FTO: variants seen among roughly 807,000 people sequenced by gnomAD.
FTO encodes the protein FTO alpha-ketoglutarate dependent dioxygenase, also known as alpha-ketoglutarate-dependent dioxygenase FTO.
A neutral mutation model predicts 63.9 loss-of-function variants in FTO; 47 were observed. That is an observed-to-expected ratio of 0.74 (90% CI 0.58 to 0.94). The LOEUF is 0.94. Among genes scored for constraint, FTO ranks in the 40% least tolerant of loss-of-function variants. The pLI is 0.00. For synonymous variants in FTO, 207 were observed against 224.4 expected (o/e 0.92, Z 0.69); for missense variants, 562 against 618.1 (o/e 0.91, Z 0.96).
chr16:54,053,560 G>T (rs2085360490), intron 8 of FTO, among the ~76,000 whole-genome samples: 1 of 152,184 alleles, frequency 6.6e-6, no homozygotes, highest in African/African-American at 2.4e-5. Flanking sequence ...TCACTCTGGG[G>T]CTTCTCACAT....
chr16:53,902,102 T>C (rs562906958), intron 7 of FTO, among the ~76,000 whole-genome samples: 54 of 152,314 alleles, frequency 3.5e-4, no homozygotes, highest in African/African-American at 1.2e-3. Flanking sequence ...TCATTATTGC[T>C]CATAATGCCA....
intron 7 of FTO, among the ~76,000 whole-genome samples, chr16:53,928,258 A>G (rs2082196291): frequency 6.6e-6 from 1 of 152,190 alleles, no homozygotes; most frequent in South Asian, 2.1e-4. Flanking sequence ...TTCCTAATGA[A>G]ATGAAATTTA....
At chr16:53,704,080 A>C (rs1016330438), upstream of FTO, 13 of 1,181,754 alleles carry the variant, frequency 1.1e-5, no homozygotes, top group African/African-American at 1.8e-4. Context: ...GAGGGAGAAT[A>C]GCTCCAGACG....
chr16:53,924,777 C>T (rs962212663), intron 7 of FTO, among the ~76,000 whole-genome samples: 3 of 152,132 alleles, frequency 2.0e-5, no homozygotes, highest in African/African-American at 7.2e-5. Flanking sequence ...ATTGGCACCC[C>T]CAAAACCTCC....
chr16:53,909,914 G>A (rs2081644774), intron 7 of FTO, among the ~76,000 whole-genome samples: 1 of 151,940 alleles, frequency 6.6e-6, no homozygotes. Flanking sequence ...ATCTTGCTCT[G>A]TCATTTAGAC....
chr16:54,056,817 T>G (rs1189655241), intron 8 of FTO, among the ~76,000 whole-genome samples: 2 of 152,336 alleles, frequency 1.3e-5, no homozygotes, highest in East Asian at 3.9e-4. Context: ...ACAGAAACTG[T>G]GAAATAATAA....
intron 1 of FTO, among the ~76,000 whole-genome samples, chr16:53,773,390 C>G (rs937900496): frequency 6.6e-6 from 1 of 152,072 alleles, no homozygotes; most frequent in African/African-American, 2.4e-5. Flanking sequence ...TGTTATCTTG[C>G]TCCAGCTGAC....
chr16:53,826,584 T>A, intron 3 of FTO, 93 bp downstream of exon 3: 3 of 1,198,906 alleles, frequency 2.5e-6, no homozygotes, highest in Non-Finnish European at 3.7e-6. Context: ...TACATGAACA[T>A]GTTTGCATGT....
In FTO at chr16:54,087,446, A is replaced by G. The variant is rs371543992; in HGVS notation, c.1365-24316A>G. Among the ~76,000 whole-genome samples the G allele has an allele frequency of 3.5e-4, 54 of 152,214 alleles. No individual in the cohort carries two copies. The South Asian group carries it at 0.011, about 30-fold the overall frequency. On this transcript the variant is annotated intron_variant, in intron 8 of 8. Coordinates refer to ENST00000471389, the MANE Select transcript of FTO (RefSeq NM_001080432.3). Reference sequence around the variant, plus strand: ...ACAATCAAAAGAACTCCCTTTTTCTACTCCAATCCTCAGACAGCCCTACCT... The same window carrying G: ...ACAATCAAAAGAACTCCCTTTTTCTGCTCCAATCCTCAGACAGCCCTACCT...
intron 8 of FTO, among the ~76,000 whole-genome samples, chr16:54,009,189 C>CT (rs1304639341): frequency 6.6e-6 from 1 of 151,994 alleles, no homozygotes; most frequent in Admixed American, 6.6e-5. Context: ...CAACAGACCC[C>CT]TTTTTCTGCT....
At chr16:53,732,502 G>T (rs1270628140) in intron 1 of FTO, among the ~76,000 whole-genome samples, 4 of 152,196 alleles carry the variant, frequency 2.6e-5, no homozygotes, top group African/African-American at 9.7e-5. Context: ...TCACTTTCCA[G>T]TTCCTACTTC....
At chr16:53,879,728 G>C in intron 5 of FTO, 116 bp from the exon 6 acceptor site, 4 of 995,492 alleles carry the variant, frequency 4.0e-6, no homozygotes, top group Non-Finnish European at 6.3e-6. Context: ...TATAGACTGA[G>C]CCATGGGGCA....
At chr16:53,837,236 T>C (rs1300994466) in intron 3 of FTO, among the ~76,000 whole-genome samples, 1 of 152,230 alleles carries the variant, frequency 6.6e-6, no homozygotes, top group Non-Finnish European at 1.5e-5. Context: ...TGAAACATGA[T>C]GTAATGAGGT....
rs1017263706 is a variant in FTO at position 53,913,900 on chromosome 16, A to G, written c.1240-20085A>G. Among the ~76,000 whole-genome samples the G allele has an allele frequency of 4.0e-5, 6 of 150,290 alleles. 1 individual carries two copies. In the East Asian group the frequency reaches 1.2e-3, roughly 29 times the overall value. ...AGGCTGAGGCAGGAGAATTGCTGGA[A>G]CCCTGGGGGCGGAGGCTGCTGTGAG... On this transcript the variant is annotated intron_variant, in intron 7 of 8. Transcript: ENST00000471389.
At chr16:53,873,992 GTC>G (rs2080577359) in intron 5 of FTO, 127 bp downstream of exon 5, 1 of 717,882 alleles carries the variant, frequency 1.4e-6, no homozygotes, top group Non-Finnish European at 2.5e-6. Flanking sequence ...CTTGACTTTC[GTC>G]TCTGTTTACT....
rs537246324 is a variant in FTO, at chr16:53,707,527, C to T, written c.45+3298C>T. Among the ~76,000 whole-genome samples, 16 of 152,300 alleles carry T rather than the reference C, an allele frequency of 1.1e-4. No homozygotes were observed. The South Asian group carries it at 3.3e-3, about 32-fold the overall frequency. On this transcript the variant is annotated intron_variant, in intron 1 of 8. Coordinates refer to ENST00000471389, the MANE Select transcript of FTO (RefSeq NM_001080432.3). Reference sequence around the variant, plus strand: ...TTTTGGGGAACAATATTCAAATGCACTGCACCCTTTTACATTCCTACCAAC... The same window carrying T: ...TTTTGGGGAACAATATTCAAATGCATTGCACCCTTTTACATTCCTACCAAC...
intron 2 of FTO, among the ~76,000 whole-genome samples, chr16:53,822,806 A>G (rs1015384787): frequency 1.3e-5 from 2 of 152,162 alleles, no homozygotes; most frequent in African/African-American, 4.8e-5. Flanking sequence ...ACTCTTCCAG[A>G]TGGCCTTACA....
In FTO at chr16:53,925,825, T is replaced by A. The variant is rs566854776; in HGVS notation, c.1240-8160T>A. Among the ~76,000 whole-genome samples, 6 of 152,286 alleles carry A rather than the reference T, an allele frequency of 3.9e-5. No individual in the cohort carries two copies. In the East Asian group the frequency reaches 1.2e-3, roughly 29 times the overall value. On this transcript the variant is annotated intron_variant, in intron 7 of 8. Transcript: ENST00000471389. ...TATGCCCCACAAGAATTAGGTGAAT[T>A]GCTGAGTTTTAATTGAATCCGTTCA...
At chr16:53,815,078 A>G (rs570758478) in intron 2 of FTO, among the ~76,000 whole-genome samples, 2 of 109,590 alleles carry the variant, frequency 1.8e-5, no homozygotes, top group Non-Finnish European at 3.6e-5. Flanking sequence ...AGCAGGGGAG[A>G]CGGTCAGAGA....
Sources: gnomAD v4.1 joint callset for allele counts (sites outside exome capture counted in the v4.1 genomes callset) on GRCh38, gnomAD v4.1.1 for gene constraint, MANE v1.5 for transcripts, NCBI Gene and HGNC (gene_info 2026-07-23, HGNC 2026-07-21) for gene names.